The following RBFOX1 variants were observed in gnomAD, a reference collection of about 807,000 sequenced individuals.
RBFOX1 encodes the protein RNA binding protein fox-1 homolog 1.
In RBFOX1, 8 loss-of-function variants were observed where a neutral mutation model predicts 57.7. The observed-to-expected ratio is 0.14, with a 90% CI of 0.08 to 0.25. The LOEUF is 0.25. RBFOX1 is among the 10% of genes least tolerant of loss of function. The pLI is 1.00. For synonymous variants in RBFOX1, 326 were observed against 222.4 expected (o/e 1.47, Z -4.15); for missense variants, 611 against 548.5 (o/e 1.11, Z -1.14).
At chr16:7,157,709 C>G (rs181850543) in intron 4 of RBFOX1, among the ~76,000 whole-genome samples, 1 of 152,158 alleles carries the variant, frequency 6.6e-6, no homozygotes, top group Non-Finnish European at 1.5e-5. Context: ...CCACGCATCA[C>G]CTCATTTTGT....
At chr16:7,575,718 G>C (rs2093271650) in intron 5 of RBFOX1, among the ~76,000 whole-genome samples, 2 of 152,112 alleles carry the variant, frequency 1.3e-5, no homozygotes, top group African/African-American at 4.8e-5. Context: ...TCCTCTTTCA[G>C]GAAACGAATA....
At chr16:7,081,622 C>A (rs994994497) in intron 4 of RBFOX1, among the ~76,000 whole-genome samples, 3 of 152,170 alleles carry the variant, frequency 2.0e-5, no homozygotes, top group African/African-American at 7.2e-5. Context: ...ACAAATTGAT[C>A]ATCTCACTAC....
intron 4 of RBFOX1, among the ~76,000 whole-genome samples, chr16:5,955,844 G>T (rs1344145109): frequency 1.3e-5 from 2 of 152,224 alleles, no homozygotes; most frequent in Non-Finnish European, 2.9e-5. Context: ...TGTTAATGTA[G>T]TTACCAGCGG....
At chr16:5,265,025 A>C (rs1386869628) in intron 1 of RBFOX1, among the ~76,000 whole-genome samples, 2 of 152,078 alleles carry the variant, frequency 1.3e-5, no homozygotes, top group Non-Finnish European at 2.9e-5. Flanking sequence ...TGTGTGTAAA[A>C]CTGGTAGTTT....
intron 3 of RBFOX1, among the ~76,000 whole-genome samples, chr16:7,008,440 A>G (rs4527035): frequency 0.75 from 114,069 of 151,676 alleles, 43,077 homozygotes; most frequent in East Asian, 0.92. Flanking sequence ...CTCAGAAGTC[A>G]GAGGCAGCAG....
intron 3 of RBFOX1, among the ~76,000 whole-genome samples, chr16:5,771,733 G>A (rs1255580328): frequency 6.6e-6 from 1 of 152,158 alleles, no homozygotes; most frequent in East Asian, 1.9e-4. Flanking sequence ...TTGGTATCAG[G>A]CATGTGAAAA....
intron 2 of RBFOX1, among the ~76,000 whole-genome samples, chr16:5,567,413 C>G (rs2046110702): frequency 6.6e-6 from 1 of 152,114 alleles, no homozygotes; most frequent in African/African-American, 2.4e-5. Context: ...CTGAACACAG[C>G]CAATCTCTCT....
At chr16:5,867,348 G>T (rs1210608020) in intron 4 of RBFOX1, 1 of 1,192,202 alleles carries the variant, frequency 8.4e-7, no homozygotes, top group Non-Finnish European at 1.1e-6. Flanking sequence ...AGGAAACGTG[G>T]TTTTTCTGTC....
chr16:5,577,989 G>T (rs547736775), intron 2 of RBFOX1, among the ~76,000 whole-genome samples: 1 of 152,100 alleles, frequency 6.6e-6, no homozygotes, highest in African/African-American at 2.4e-5. Context: ...GTCTCTCTCT[G>T]TTGCCAGGCT....
At chr16:5,970,101 T>C (rs1056757659) in intron 4 of RBFOX1, among the ~76,000 whole-genome samples, 1 of 152,162 alleles carries the variant, frequency 6.6e-6, no homozygotes, top group African/African-American at 2.4e-5. Context: ...TCTCCTTTTG[T>C]TGAGTCTGCC....
intron 3 of RBFOX1, among the ~76,000 whole-genome samples, chr16:5,770,319 C>G (rs1434626276): frequency 6.6e-6 from 1 of 152,180 alleles, no homozygotes; most frequent in Non-Finnish European, 1.5e-5. Context: ...GCCCTCACTG[C>G]TCTTTGTATG....
chr16:6,769,006 C>T (rs2077848998), intron 3 of RBFOX1, among the ~76,000 whole-genome samples: 1 of 152,082 alleles, frequency 6.6e-6, no homozygotes, highest in South Asian at 2.1e-4. Context: ...AGGTTACTGG[C>T]GTGAGCCACT....
At chr16:6,187,374 G>A (rs1363206104) in intron 1 of RBFOX1, among the ~76,000 whole-genome samples, 1 of 152,182 alleles carries the variant, frequency 6.6e-6, no homozygotes. Flanking sequence ...AACACCCCTA[G>A]ATGTGACGAG....
At chr16:6,921,897 A>T (rs894345969) in intron 3 of RBFOX1, among the ~76,000 whole-genome samples, 3 of 152,138 alleles carry the variant, frequency 2.0e-5, no homozygotes, top group African/African-American at 7.2e-5. Context: ...AGATTATGCA[A>T]GGGTGAGAAC....
intron 1 of RBFOX1, among the ~76,000 whole-genome samples, chr16:5,430,190 T>C (rs1470925647): frequency 6.6e-6 from 1 of 151,748 alleles, no homozygotes; most frequent in Non-Finnish European, 1.5e-5. Context: ...GCCAGGAAGG[T>C]CGATGGCAAG....
At chr16:5,387,477 A>C (rs2066288495) in intron 1 of RBFOX1, among the ~76,000 whole-genome samples, 1 of 152,226 alleles carries the variant, frequency 6.6e-6, no homozygotes, top group Non-Finnish European at 1.5e-5. Context: ...CAGTGTGGCT[A>C]CTGCTGCTCC....
intron 4 of RBFOX1, among the ~76,000 whole-genome samples, chr16:5,907,108 G>A (rs1421882643): frequency 6.6e-6 from 1 of 152,164 alleles, no homozygotes; most frequent in African/African-American, 2.4e-5. Flanking sequence ...TTGGAGGGGT[G>A]TACGCATTTG....
At chr16:5,344,325 G>A (rs2151301265) in intron 1 of RBFOX1, among the ~76,000 whole-genome samples, 1 of 152,266 alleles carries the variant, frequency 6.6e-6, no homozygotes, top group African/African-American at 2.4e-5. Flanking sequence ...TACATCAGCT[G>A]TGTCATTGGT....
intron 1 of RBFOX1, among the ~76,000 whole-genome samples, chr16:6,050,658 G>A (rs1345311681): frequency 6.6e-6 from 1 of 152,072 alleles, no homozygotes; most frequent in East Asian, 1.9e-4. Flanking sequence ...TAGTGACACT[G>A]TAATTTTACC....
Sources: allele counts gnomAD v4.1 joint callset (sites outside exome capture counted in the v4.1 genomes callset), GRCh38; gene constraint gnomAD v4.1.1; transcripts MANE v1.5; gene names NCBI Gene and HGNC (gene_info 2026-07-23, HGNC 2026-07-21).